Variants in P2RX7 observed in about 807,000 individuals in gnomAD.
The protein encoded by P2RX7 is P2X purinoceptor 7.
In P2RX7, 62 loss-of-function variants were observed where a neutral mutation model predicts 71.6. The observed-to-expected ratio is 0.87, with a 90% CI of 0.71 to 1.07. The LOEUF (loss-of-function observed/expected upper bound fraction) is 1.07, where lower values mean the gene tolerates loss of function less well. P2RX7 is among the 50% of genes least tolerant of loss of function. The pLI, the probability that P2RX7 is intolerant of heterozygous loss-of-function variation, is 0.00. For synonymous variants in P2RX7, 299 were observed against 283.3 expected (o/e 1.06, Z -0.56); for missense variants, 686 against 748.5 (o/e 0.92, Z 0.97).
chr12:121,161,598 C>T (rs1236707067), intron 4 of P2RX7, among the ~76,000 whole-genome samples: 1 of 151,532 alleles, frequency 6.6e-6, no homozygotes, highest in Admixed American at 6.6e-5. Context: ...TCGAGAACAG[C>T]CTGGAAAACA....
At chr12:121,161,731 G>A (rs1310921158) in intron 4 of P2RX7, among the ~76,000 whole-genome samples, 1 of 147,278 alleles carries the variant, frequency 6.8e-6, no homozygotes, top group Non-Finnish European at 1.5e-5. Context: ...GGCAGAGGTT[G>A]CAGTGAGCCA....
chr12:121,177,266 C>T (rs916695614), intron 10 of P2RX7, 31 bp from the exon 11 acceptor site: 2 of 1,613,992 alleles, frequency 1.2e-6, no homozygotes, highest in Admixed American at 1.7e-5. Context: ...AAGGAAGTGA[C>T]TAACGCAGCG....
intron 1 of P2RX7, among the ~76,000 whole-genome samples, chr12:121,137,566 G>T (rs185514780): frequency 6.6e-6 from 1 of 152,318 alleles, no homozygotes; most frequent in Admixed American, 6.5e-5. Flanking sequence ...CACCAGCTTT[G>T]CTTTTTTCCT....
chr12:121,162,433 C>T lies in P2RX7; in HGVS notation c.446C>T (p.Thr149Ile). 1 of 1,613,894 alleles carries T rather than the reference C, an allele frequency of 6.2e-7. No homozygotes were observed. Among genetic ancestry groups the T allele is most frequent in the Non-Finnish European group, 8.5e-7 (1 of 1,179,950 alleles). The change falls in exon 5 of 13, where the codon ACC (threonine) becomes ATC (isoleucine). Residue 149 changes from threonine (T) to isoleucine (I), a missense_variant. Coordinates refer to ENST00000328963, the MANE Select transcript of P2RX7 (RefSeq NM_002562.6). ...WMDPQSKGIQ[T>I]GRCVVYEGNQ... Reference sequence around the variant, plus strand: ...GCTTTGACCCCTATAGGAATTCAGACCGGAAGGTGTGTAGTGTATGAAGGG... The same window carrying T: ...GCTTTGACCCCTATAGGAATTCAGATCGGAAGGTGTGTAGTGTATGAAGGG...
In P2RX7 at chr12:121,167,476, T is replaced by G. The variant is rs554701560; in HGVS notation, c.745-12T>G. Reference sequence around the variant, plus strand: ...CAGCAGCCATAGAGACTGTCCCTTGTTGATCCTTCAGGGCGGAATAATGGG... The same window carrying G: ...CAGCAGCCATAGAGACTGTCCCTTGGTGATCCTTCAGGGCGGAATAATGGG... On this transcript the variant is annotated splice_polypyrimidine_tract_variant and intron_variant, in intron 7 of 12. Transcript: ENST00000328963. The G allele has an allele frequency of 9.9e-6, 16 of 1,613,756 alleles. 2 individuals are homozygous for G. In the South Asian group the frequency reaches 1.6e-4, roughly 17 times the overall value.
chr12:121,155,629 A>G (rs1268247710), intron 2 of P2RX7, among the ~76,000 whole-genome samples: 1 of 152,160 alleles, frequency 6.6e-6, no homozygotes, highest in Non-Finnish European at 1.5e-5. Flanking sequence ...GTTTGTTTCT[A>G]ACAGTGGGTC....
chr12:121,161,270 T>A (rs1879624301), intron 4 of P2RX7, among the ~76,000 whole-genome samples: 1 of 152,228 alleles, frequency 6.6e-6, no homozygotes, highest in African/African-American at 2.4e-5. Context: ...TATTCTAAAC[T>A]TTCCCCCTGA....
intron 4 of P2RX7, 82 bp from the exon 5 acceptor site, chr12:121,162,342 G>A: frequency 1.3e-6 from 2 of 1,567,766 alleles, no homozygotes; most frequent in Non-Finnish European, 1.7e-6. Context: ...CGCCCGGGTT[G>A]AGTTAATGAT....
At chr12:121,183,309 G>A (rs182126236) in intron 12 of P2RX7, among the ~76,000 whole-genome samples, 3 of 151,034 alleles carry the variant, frequency 2.0e-5, no homozygotes, top group East Asian at 3.9e-4. Context: ...AGTGGCTCAC[G>A]CTTGTAATCT....
intron 11 of P2RX7, among the ~76,000 whole-genome samples, chr12:121,177,983 G>C (rs7137047): frequency 0.39 from 58,892 of 151,920 alleles, 11,870 homozygotes; most frequent in African/African-American, 0.45. Context: ...CTCCCACAGT[G>C]CTGGGATTAT....
rs1876905475 is a variant in P2RX7 at position 121,149,308 on chromosome 12, T to C, written c.126-5477T>C. 6.6e-6 allele frequency among the ~76,000 whole-genome samples: 1 copy of C among 152,144 alleles called. No individual in the cohort carries two copies. The highest frequency in any genetic ancestry group is 2.1e-4 in the South Asian group (1 of 4,820). On this transcript the variant is annotated intron_variant, in intron 1 of 12. Transcript: ENST00000328963. This position sits in a 1 kb window ranked among gnomAD's most constrained non-coding sequence, Gnocchi z 4.7. ...CTCCTCAGCCAGACTTGCCTGTGAG[T>C]GCCCCTTGATGGCTGTATTAGTCTG...
At chr12:121,143,102 TG>T (rs1374690644) in intron 1 of P2RX7, among the ~76,000 whole-genome samples, 1 of 141,272 alleles carries the variant, frequency 7.1e-6, no homozygotes, top group East Asian at 2.1e-4. Context: ...AAAAGATGAC[TG>T]GGCACGGTGG....
At chr12:121,170,050 G>A (rs1322443707) in intron 8 of P2RX7, among the ~76,000 whole-genome samples, 1 of 152,150 alleles carries the variant, frequency 6.6e-6, no homozygotes, top group Non-Finnish European at 1.5e-5. Context: ...CCTGGCCCCT[G>A]TGTAGACGTT....
intron 8 of P2RX7, among the ~76,000 whole-genome samples, chr12:121,174,443 C>T (rs1593129861): frequency 6.6e-6 from 1 of 152,104 alleles, no homozygotes; most frequent in African/African-American, 2.4e-5. Context: ...ATCACTTGGG[C>T]CCAGGAGGTG....
chr12:121,153,156 A>G (rs1877812055), intron 1 of P2RX7, among the ~76,000 whole-genome samples: 1 of 152,214 alleles, frequency 6.6e-6, no homozygotes, highest in African/African-American at 2.4e-5. Context: ...CGACCCGTGG[A>G]ATCCTAGTCT....
At chr12:121,134,883 A>G (rs1873210738) in intron 1 of P2RX7, among the ~76,000 whole-genome samples, 1 of 152,004 alleles carries the variant, frequency 6.6e-6, no homozygotes, top group African/African-American at 2.4e-5. Flanking sequence ...ATTTCATAGT[A>G]CTGGCTATGT....
chr12:121,153,537 G>C (rs1298498805), intron 1 of P2RX7, among the ~76,000 whole-genome samples: 1 of 152,126 alleles, frequency 6.6e-6, no homozygotes, highest in Non-Finnish European at 1.5e-5. Context: ...AATTAGCAAA[G>C]TGTGGTGGTA....
At chr12:121,156,669 T>C (rs572459461) in intron 3 of P2RX7, among the ~76,000 whole-genome samples, 1 of 152,292 alleles carries the variant, frequency 6.6e-6, no homozygotes, top group East Asian at 1.9e-4. Flanking sequence ...TCTGCAGGGC[T>C]GGTCTTGGAA....
chr12:121,137,682 T>C (rs1001759487), intron 1 of P2RX7, among the ~76,000 whole-genome samples: 3 of 152,208 alleles, frequency 2.0e-5, no homozygotes, highest in African/African-American at 7.2e-5. Flanking sequence ...AAGCCTTAAG[T>C]TCGTGTAACC....
Sources: gnomAD v4.1 joint callset for allele counts (sites outside exome capture counted in the v4.1 genomes callset) on GRCh38, gnomAD v4.1.1 for gene constraint, Gnocchi (gnomAD v3.1) non-coding constraint, MANE v1.5 for transcripts, NCBI Gene and HGNC (gene_info 2026-07-23, HGNC 2026-07-21) for gene names.